Variants in B3GALT1 observed in about 807,000 individuals in gnomAD.
The protein encoded by B3GALT1 is UDP-Gal:betaGlcNAc beta 1,3-galactosyltransferase, polypeptide 1.
A neutral mutation model predicts 23.2 loss-of-function variants in B3GALT1; 10 were observed. The observed-to-expected ratio is 0.43, with a 90% CI of 0.27 to 0.73. The LOEUF (loss-of-function observed/expected upper bound fraction) is 0.73, where lower values mean the gene tolerates loss of function less well. B3GALT1 is among the 30% of genes least tolerant of loss of function. B3GALT1 has a pLI of 0.21. For missense variants in B3GALT1, 299 were observed against 405.4 expected (o/e 0.74, Z 2.25); for synonymous variants, 156 against 141.5 (o/e 1.10, Z -0.73).
At chr2:167,668,612 C>G (rs961619368) in intron 3 of B3GALT1, among the ~76,000 whole-genome samples, 5 of 152,140 alleles carry the variant, frequency 3.3e-5, no homozygotes, top group African/African-American at 9.7e-5. Flanking sequence ...ACTCCGTGGG[C>G]TTAGGACCCT....
intron 2 of B3GALT1, among the ~76,000 whole-genome samples, chr2:167,568,004 A>G (rs1374270523): frequency 6.6e-6 from 1 of 152,064 alleles, no homozygotes; most frequent in Non-Finnish European, 1.5e-5. Context: ...TTTCAGATCA[A>G]CTGATTTTAC....
intron 2 of B3GALT1, among the ~76,000 whole-genome samples, chr2:167,631,862 A>G (rs965128409): frequency 1.3e-5 from 2 of 149,340 alleles, no homozygotes; most frequent in African/African-American, 5.0e-5. Context: ...GGTTTGTTAC[A>G]TAGGTATACC....
At chr2:167,697,241 C>T (rs950636349) in intron 3 of B3GALT1, among the ~76,000 whole-genome samples, 1 of 152,144 alleles carries the variant, frequency 6.6e-6, no homozygotes, top group African/African-American at 2.4e-5. Context: ...TGACGTTGCT[C>T]ATGATTAGAG....
At chr2:167,443,220 T>A (rs1698923433) in intron 1 of B3GALT1, among the ~76,000 whole-genome samples, 1 of 152,080 alleles carries the variant, frequency 6.6e-6, no homozygotes, top group South Asian at 2.1e-4. Context: ...CTCTGTTCTG[T>A]TCCATTGATC....
At chr2:167,404,066 A>C (rs922534273) in intron 1 of B3GALT1, among the ~76,000 whole-genome samples, 17 of 152,076 alleles carry the variant, frequency 1.1e-4, no homozygotes, top group Admixed American at 2.0e-4. Context: ...TACAAGAAGC[A>C]TGGCACCAGC....
At chr2:167,293,544 G>T (rs1382451043) in intron 1 of B3GALT1, among the ~76,000 whole-genome samples, 1 of 152,142 alleles carries the variant, frequency 6.6e-6, no homozygotes, top group East Asian at 1.9e-4. Context: ...GACAGCGCGG[G>T]GATGGCATTG....
intron 3 of B3GALT1, among the ~76,000 whole-genome samples, chr2:167,664,371 A>C (rs1295837625): frequency 6.6e-6 from 1 of 151,442 alleles, no homozygotes; most frequent in Non-Finnish European, 1.5e-5. Context: ...GTAGCTTTGT[A>C]GTATAGTTTG....
intron 1 of B3GALT1, among the ~76,000 whole-genome samples, chr2:167,308,334 A>G (rs1696580769): frequency 6.6e-6 from 1 of 152,020 alleles, no homozygotes; most frequent in South Asian, 2.1e-4. Context: ...GGTATCTATT[A>G]CTAGAAAGGA....
chr2:167,829,798 C>T (rs575547460), intron 4 of B3GALT1, among the ~76,000 whole-genome samples: 1 of 152,136 alleles, frequency 6.6e-6, no homozygotes, highest in Admixed American at 6.5e-5. Flanking sequence ...CTCTGAGATG[C>T]GCGGAGAATG....
At chr2:167,550,620 A>G (rs1423726098) in intron 2 of B3GALT1, among the ~76,000 whole-genome samples, 1 of 152,238 alleles carries the variant, frequency 6.6e-6, no homozygotes, top group Non-Finnish European at 1.5e-5. Flanking sequence ...ATATAAAAAT[A>G]GTGGCCTCTA....
intron 3 of B3GALT1, among the ~76,000 whole-genome samples, chr2:167,721,472 C>G (rs1687233606): frequency 6.6e-6 from 1 of 151,946 alleles, no homozygotes; most frequent in South Asian, 2.1e-4. Context: ...TTTTTCCCAT[C>G]AGAAAATGCC....
intron 1 of B3GALT1, among the ~76,000 whole-genome samples, chr2:167,411,084 C>CA (rs879921907): frequency 9.0e-4 from 125 of 139,258 alleles, no homozygotes; most frequent in African/African-American, 8.1e-4. Flanking sequence ...ACAAGTGTTA[C>CA]AAAAAAAAAA....
intron 1 of B3GALT1, among the ~76,000 whole-genome samples, chr2:167,344,364 TA>T (rs1461448439): frequency 1.3e-5 from 2 of 152,176 alleles, no homozygotes; most frequent in Non-Finnish European, 2.9e-5. Context: ...TAAATTCATT[TA>T]ACATTCTATT....
At chr2:167,514,666 G>T (rs921009661) in intron 2 of B3GALT1, among the ~76,000 whole-genome samples, 11 of 152,110 alleles carry the variant, frequency 7.2e-5, no homozygotes, top group Non-Finnish European at 1.3e-4. Context: ...GTTTTTGTTT[G>T]TCATCAAATA....
At chr2:167,751,391 A>G (rs1687736087) in intron 3 of B3GALT1, among the ~76,000 whole-genome samples, 1 of 152,222 alleles carries the variant, frequency 6.6e-6, no homozygotes, top group Non-Finnish European at 1.5e-5. Context: ...GGACAGAGGC[A>G]CCAGACAATC....
chr2:167,668,337 A>G lies in B3GALT1; in HGVS notation c.-352+21371A>G, dbSNP rs550263237. Among the ~76,000 whole-genome samples the G allele has an allele frequency of 3.0e-4, 45 of 152,128 alleles. No homozygotes were observed. The East Asian group carries it at 7.6e-3, about 26-fold the overall frequency. ...AGATCTCCAGCTGCATGCTGGGAGA[A>G]CCACTGCTCTCTTCAAAGCTGTCAG... On this transcript the variant is annotated intron_variant, in intron 3 of 4. Coordinates refer to ENST00000392690, the MANE Select transcript of B3GALT1 (RefSeq NM_020981.4).
intron 1 of B3GALT1, among the ~76,000 whole-genome samples, chr2:167,338,750 A>G (rs1283496622): frequency 1.3e-5 from 2 of 152,130 alleles, no homozygotes; most frequent in Non-Finnish European, 2.9e-5. Context: ...TTAAAAATGA[A>G]TACTTTGAAG....
intron 2 of B3GALT1, among the ~76,000 whole-genome samples, chr2:167,555,211 C>T (rs957050316): frequency 2.2e-4 from 34 of 152,260 alleles, no homozygotes; most frequent in East Asian, 9.6e-4. Context: ...TAGGAATAGA[C>T]AGTTATTGAA....
chr2:167,311,086 T>G (rs1696628279), intron 1 of B3GALT1, among the ~76,000 whole-genome samples: 1 of 152,126 alleles, frequency 6.6e-6, no homozygotes, highest in Admixed American at 6.6e-5. Flanking sequence ...ATTTTCATTT[T>G]CTCTTTAGAT....
Sources: allele counts gnomAD v4.1 joint callset (sites outside exome capture counted in the v4.1 genomes callset), GRCh38; gene constraint gnomAD v4.1.1; transcripts MANE v1.5; gene names NCBI Gene and HGNC (gene_info 2026-07-23, HGNC 2026-07-21).